Variants in HS3ST5 observed in about 807,000 individuals in gnomAD.
HS3ST5 encodes the protein heparan sulfate-glucosamine 3-sulfotransferase 5, also known as heparan sulfate glucosamine 3-O-sulfotransferase 5.
HS3ST5 carries 10 observed loss-of-function variants against 25.4 expected under a neutral mutation model. The ratio of observed to expected loss-of-function variants is 0.39; its 90% CI spans 0.24 to 0.67. HS3ST5 has a LOEUF of 0.67. Among genes scored for constraint, HS3ST5 ranks in the 30% least tolerant of loss-of-function variants. The pLI, the probability that HS3ST5 is intolerant of heterozygous loss-of-function variation, is 0.44. For missense variants in HS3ST5, 324 were observed against 420.7 expected (o/e 0.77, Z 2.01); for synonymous variants, 170 against 162.4 (o/e 1.05, Z -0.36).
At chr6:114,337,426 C>G (rs1236069315) in intron 1 of HS3ST5, among the ~76,000 whole-genome samples, 1 of 152,132 alleles carries the variant, frequency 6.6e-6, no homozygotes, top group East Asian at 1.9e-4. Flanking sequence ...ACAACATTGA[C>G]CTCTGTGCAA....
chr6:114,230,387 T>C (rs1245781019), intron 1 of HS3ST5: 3 of 152,132 alleles, frequency 2.0e-5, no homozygotes, highest in Non-Finnish European at 4.4e-5. Context: ...ATTATTCTTA[T>C]CTCACAAAGT....
chr6:114,249,104 G>A (rs900927291), intron 1 of HS3ST5, among the ~76,000 whole-genome samples: 1 of 152,152 alleles, frequency 6.6e-6, no homozygotes, highest in Admixed American at 6.5e-5. Context: ...TTTAACCAAT[G>A]AAATACTTGA....
At chr6:114,084,833 C>CTTT (rs372362974) in intron 3 of HS3ST5, 5,044 of 499,852 alleles carry the variant, frequency 0.01, 9 homozygotes, top group Middle Eastern at 0.014. Context: ...CTTTTCTTTT[C>CTTT]TTTTTTTTTT....
intron 4 of HS3ST5, 80 bp from the exon 5 acceptor site, chr6:114,058,270 T>A: frequency 1.9e-6 from 2 of 1,026,178 alleles, no homozygotes; most frequent in Non-Finnish European, 2.8e-6. Context: ...ACCAAGACTT[T>A]AAATGCATAA....
rs756053330 is a variant in HS3ST5 at position 114,057,060 on chromosome 6, C to A, written c.*197G>T. The A allele has an allele frequency of 7.8e-6, 4 of 513,962 alleles. No individual in the cohort carries two copies. The highest frequency in any genetic ancestry group is 7.5e-5 in the South Asian group (2 of 26,752). 31.8% of individuals were successfully genotyped at this position (513,962 alleles called of 1,614,324 possible). ...AAATAGCTTAAAAGATGCGACTATG[C>A]AGACAGCAATTTTTTTTTTTTCGTA... is the stretch of plus-strand genomic sequence containing the variant. On this transcript the variant is annotated 3_prime_UTR_variant, in exon 5 of 5. Coordinates refer to ENST00000312719, the MANE Select transcript of HS3ST5 (RefSeq NM_153612.4).
intron 1 of HS3ST5, among the ~76,000 whole-genome samples, chr6:114,285,049 G>A (rs1243873041): frequency 6.6e-6 from 1 of 151,990 alleles, no homozygotes; most frequent in Non-Finnish European, 1.5e-5. Flanking sequence ...ATATCTGAAT[G>A]CTGAATCTTA....
At chr6:114,289,713 A>G (rs954531667) in intron 1 of HS3ST5, among the ~76,000 whole-genome samples, 1 of 152,124 alleles carries the variant, frequency 6.6e-6, no homozygotes, top group African/African-American at 2.4e-5. Context: ...TCCAGAACCC[A>G]CTTGCTCACT....
Position 114,109,762 on chromosome 6 carries a change from T to G in HS3ST5, c.-32-46885A>C, listed in dbSNP as rs552011917. Reference sequence around the variant, plus strand: ...GTACTGACTGCCTTCCCTTTCTCACTCCCCAGTCTTCTTTATGTCAAATAG... The same window carrying G: ...GTACTGACTGCCTTCCCTTTCTCACGCCCCAGTCTTCTTTATGTCAAATAG... On this transcript the variant is annotated intron_variant, in intron 3 of 4. Coordinates refer to ENST00000312719, the MANE Select transcript of HS3ST5 (RefSeq NM_153612.4). Among the ~76,000 whole-genome samples, 8 of 152,322 alleles carry G rather than the reference T, an allele frequency of 5.3e-5. No homozygotes were observed. The South Asian group carries it at 1.2e-3, about 24-fold the overall frequency.
chr6:114,108,364 G>T (rs1356592321), intron 3 of HS3ST5, among the ~76,000 whole-genome samples: 1 of 152,162 alleles, frequency 6.6e-6, no homozygotes, highest in African/African-American at 2.4e-5. Context: ...CAGCACTGGT[G>T]TAAGTTGCTT....
chr6:114,289,552 G>A (rs785128), intron 1 of HS3ST5, among the ~76,000 whole-genome samples: 9,060 of 152,186 alleles, frequency 0.06, 886 homozygotes, highest in African/African-American at 0.2. Flanking sequence ...CTGGGAGGCT[G>A]AGGAGAAGTC....
intron 3 of HS3ST5, among the ~76,000 whole-genome samples, chr6:114,123,462 A>C (rs1382230834): frequency 1.3e-5 from 2 of 152,238 alleles, no homozygotes; most frequent in Non-Finnish European, 2.9e-5. Context: ...CAAGAGGATA[A>C]TTCTTTAAAA....
At chr6:114,215,119 C>G (rs936605683) in intron 2 of HS3ST5, among the ~76,000 whole-genome samples, 2 of 152,214 alleles carry the variant, frequency 1.3e-5, no homozygotes, top group East Asian at 3.9e-4. Flanking sequence ...TCCTGGCTAA[C>G]ATGGTGAAAC....
At chr6:114,226,029 C>G (rs538079835) in intron 2 of HS3ST5, among the ~76,000 whole-genome samples, 87 of 151,966 alleles carry the variant, frequency 5.7e-4, no homozygotes, top group African/African-American at 2.0e-3. Flanking sequence ...TGGATTCAGA[C>G]AGAATGAACA....
chr6:114,296,719 A>C (rs1249905136), intron 1 of HS3ST5, among the ~76,000 whole-genome samples: 5 of 152,250 alleles, frequency 3.3e-5, no homozygotes, highest in African/African-American at 1.2e-4. Context: ...GTGAGCTTTG[A>C]AATCCAAAAG....
chr6:114,312,531 T>C (rs1283530540), intron 1 of HS3ST5, among the ~76,000 whole-genome samples: 2 of 152,096 alleles, frequency 1.3e-5, no homozygotes, highest in African/African-American at 4.8e-5. Context: ...AACTGAGAAA[T>C]TGAACTTCAT....
chr6:114,257,474 G>C (rs999947340), intron 1 of HS3ST5, among the ~76,000 whole-genome samples: 6 of 152,134 alleles, frequency 3.9e-5, no homozygotes, highest in Admixed American at 3.9e-4. Flanking sequence ...TACAAAGTTA[G>C]AAGTAGAACC....
At chr6:114,162,730 C>A (rs1779031287) in intron 3 of HS3ST5, among the ~76,000 whole-genome samples, 1 of 152,176 alleles carries the variant, frequency 6.6e-6, no homozygotes, top group Non-Finnish European at 1.5e-5. Context: ...CCACTTGCAC[C>A]ACATGCACCT....
chr6:114,319,928 C>G (rs903917224), intron 1 of HS3ST5, among the ~76,000 whole-genome samples: 1 of 152,034 alleles, frequency 6.6e-6, no homozygotes, highest in Non-Finnish European at 1.5e-5. Context: ...CTCTCTCATC[C>G]TTTTTCATAA....
chr6:114,094,154 A>G (rs1154897), intron 3 of HS3ST5, among the ~76,000 whole-genome samples: 40,222 of 152,082 alleles, frequency 0.26, 5,589 homozygotes, highest in African/African-American at 0.34. Context: ...TTTAAAGAAA[A>G]AGTTGTTAGG....
Sources: allele counts gnomAD v4.1 joint callset (sites outside exome capture counted in the v4.1 genomes callset), GRCh38; gene constraint gnomAD v4.1.1; transcripts MANE v1.5; gene names NCBI Gene and HGNC (gene_info 2026-07-23, HGNC 2026-07-21).